RUNX3: variants seen among roughly 807,000 people sequenced by gnomAD.
RUNX3 encodes RUNX family transcription factor 3.
A neutral mutation model predicts 27.7 loss-of-function variants in RUNX3; 10 were observed. The observed-to-expected ratio is 0.36, with a 90% CI of 0.22 to 0.61. The LOEUF (loss-of-function observed/expected upper bound fraction) is 0.61. Among genes scored for constraint, RUNX3 ranks in the 20% least tolerant of loss-of-function variants. The pLI, the probability that RUNX3 is intolerant of heterozygous loss-of-function variation, is 0.72. For missense variants in RUNX3, 469 were observed against 629.5 expected, an observed-to-expected ratio of 0.75 and a Z score of 2.73; for synonymous variants, 270 against 269.2, an observed-to-expected ratio of 1.00 and a Z score of -0.03.
At position 24,927,712 on chromosome 1, in the gene RUNX3, C is replaced by T. The variant is rs1487446167; in HGVS notation, c.301G>A (p.Val101Met). 3 of 1,613,982 alleles carry T rather than the reference C, an allele frequency of 1.9e-6. No homozygotes were observed. Among genetic ancestry groups the T allele is most frequent in the Non-Finnish European group, 2.5e-6 (3 of 1,179,986 alleles). The change falls in exon 2 of 5, where the codon GTG becomes ATG. Residue 101 changes from valine (V) to methionine (M), a missense_variant. Transcript: ENST00000308873. This position sits in a 1 kb window ranked among gnomAD's most constrained non-coding sequence, Gnocchi z 5.0. Reference protein sequence around the residue: ...VAFKVVALGDVPDGTVVTVMA... With the variant: ...VAFKVVALGDMPDGTVVTVMA... ...ACAGTCACCACCGTACCATCCGGCA[C>T]GTCCCCCAATGCCACCACCTGAAGA... is the stretch of plus-strand genomic sequence containing the variant.
At chr1:24,956,069 C>A (rs751698606) in intron 2 of RUNX3, among the ~76,000 whole-genome samples, 1 of 152,254 alleles carries the variant, frequency 6.6e-6, no homozygotes, top group Non-Finnish European at 1.5e-5. Flanking sequence ...TCTGCGCAGC[C>A]CGGGGCAGAC....
chr1:24,939,050 A>G (rs1571337251), intron 2 of RUNX3, among the ~76,000 whole-genome samples: 1 of 152,164 alleles, frequency 6.6e-6, no homozygotes, highest in South Asian at 2.1e-4. Flanking sequence ...GGGCTGTGTC[A>G]GTGTTTCCGT....
At chr1:24,941,181 A>G in intron 2 of RUNX3, among the ~76,000 whole-genome samples, 1 of 152,122 alleles carries the variant, frequency 6.6e-6, no homozygotes, top group East Asian at 1.9e-4. Context: ...ACCCCCACCT[A>G]GGTAAGCACT....
At chr1:24,917,156 C>T (rs866047595) in intron 3 of RUNX3, among the ~76,000 whole-genome samples, 3 of 152,282 alleles carry the variant, frequency 2.0e-5, no homozygotes, top group Middle Eastern at 3.4e-3. Flanking sequence ...GTCAAGACCC[C>T]GTCCCGTGCC....
rs998594401 is a variant in RUNX3 at position 24,904,921 on chromosome 1, C to T, written c.704-2255G>A. 1.3e-5 allele frequency among the ~76,000 whole-genome samples: 2 copies of T among 152,214 alleles called. No individual in the cohort carries two copies. Among genetic ancestry groups the T allele is most frequent in the Non-Finnish European group, 2.9e-5 (2 of 68,034 alleles). On this transcript the variant is annotated intron_variant, in intron 4 of 4. Coordinates refer to ENST00000308873, the MANE Select transcript of RUNX3 (RefSeq NM_004350.3). This position sits in a 1 kb window ranked among gnomAD's most constrained non-coding sequence, Gnocchi z 5.7. ...AGCTGCCCGGGGCACTGTCGAGTGG[C>T]CAATCCCAACAGTGGAAAGAAATGT...
chr1:24,910,022 C>T (rs1272528584), intron 3 of RUNX3, among the ~76,000 whole-genome samples: 2 of 152,310 alleles, frequency 1.3e-5, no homozygotes, highest in East Asian at 1.9e-4. Flanking sequence ...ATGGTGGCTA[C>T]GCCTGTAATC....
chr1:24,922,688 T>C (rs187591111), intron 2 of RUNX3, among the ~76,000 whole-genome samples: 4 of 152,046 alleles, frequency 2.6e-5, no homozygotes, highest in African/African-American at 9.7e-5. Context: ...ATGGTTTCTA[T>C]TGTAATACTT....
intron 3 of RUNX3, among the ~76,000 whole-genome samples, chr1:24,910,497 G>A (rs1640776914): frequency 6.6e-6 from 1 of 152,120 alleles, no homozygotes; most frequent in African/African-American, 2.4e-5. Flanking sequence ...AAAGCCTGTC[G>A]ACCACTGTAG....
chr1:24,964,489 A>G, intron 2 of RUNX3: 1 of 1,590,090 alleles, frequency 6.3e-7, no homozygotes, highest in South Asian at 1.1e-5. Context: ...CTCCCCACCC[A>G]GGGCCCTGGG....
At position 24,904,536 on chromosome 1, in the gene RUNX3, C is replaced by T. The variant is rs1640624345; in HGVS notation, c.704-1870G>A. Among the ~76,000 whole-genome samples the T allele has an allele frequency of 6.6e-6, 1 of 152,154 alleles. No homozygotes were observed. The highest frequency in any genetic ancestry group is 1.5e-5 in the Non-Finnish European group (1 of 68,016). On this transcript the variant is annotated intron_variant, in intron 4 of 4. Transcript: ENST00000308873. The surrounding 1 kb of genome is among the most constrained non-coding windows in gnomAD (Gnocchi z 5.7). Reference sequence around the variant, plus strand: ...GGCTGCCAGTTTTCATCTGGGGAGCCCCTCGGGGGGAGAGGTCCTGTTGCA... The same window carrying T: ...GGCTGCCAGTTTTCATCTGGGGAGCTCCTCGGGGGGAGAGGTCCTGTTGCA...
intron 2 of RUNX3, among the ~76,000 whole-genome samples, chr1:24,936,789 T>C (rs1046520006): frequency 6.6e-6 from 1 of 152,226 alleles, no homozygotes; most frequent in Non-Finnish European, 1.5e-5. Context: ...TTGTGAAGCC[T>C]TAATTAATCT....
At chr1:24,907,999 A>C (rs999826942) in intron 3 of RUNX3, among the ~76,000 whole-genome samples, 1 of 149,378 alleles carries the variant, frequency 6.7e-6, no homozygotes, top group Non-Finnish European at 1.5e-5. Context: ...GCGGTGATCT[A>C]AACCTCTACA....
chr1:24,954,487 AG>A (rs1270848084), intron 2 of RUNX3, among the ~76,000 whole-genome samples: 1 of 152,250 alleles, frequency 6.6e-6, no homozygotes, highest in Non-Finnish European at 1.5e-5. Flanking sequence ...GCAGTTGCAC[AG>A]GGTCCCTTGC....
At chr1:24,940,982 A>G (rs1323635165) in intron 2 of RUNX3, among the ~76,000 whole-genome samples, 2 of 152,248 alleles carry the variant, frequency 1.3e-5, no homozygotes, top group Non-Finnish European at 2.9e-5. Flanking sequence ...GGAAAGCAAA[A>G]GATAAAATAT....
At chr1:24,960,505 C>T (rs554359040) in intron 2 of RUNX3, among the ~76,000 whole-genome samples, 6 of 152,296 alleles carry the variant, frequency 3.9e-5, no homozygotes, top group South Asian at 4.1e-4. Context: ...CAGATGAACG[C>T]GTTTGCCCCC....
chr1:24,946,704 G>A (rs1013063948), intron 2 of RUNX3, among the ~76,000 whole-genome samples: 2 of 152,092 alleles, frequency 1.3e-5, no homozygotes, highest in Non-Finnish European at 2.9e-5. Context: ...GACAGATTCT[G>A]GGACTGGGGT....
upstream of RUNX3, among the ~76,000 whole-genome samples, chr1:24,933,544 C>A (rs1038980610): frequency 3.3e-5 from 5 of 152,240 alleles, no homozygotes; most frequent in Non-Finnish European, 7.3e-5. Flanking sequence ...CCAGTCCATG[C>A]TGTCCTGATC....
intron 2 of RUNX3, among the ~76,000 whole-genome samples, chr1:24,936,432 CAG>C: frequency 6.6e-6 from 1 of 152,274 alleles, no homozygotes; most frequent in East Asian, 1.9e-4. Context: ...ACCAGATGCT[CAG>C]AGTTACAGTC....
rs546744963 is a variant in RUNX3, at chr1:24,916,402, C to T, written c.544+2838G>A. On this transcript the variant is annotated intron_variant, in intron 3 of 4. Coordinates refer to ENST00000308873, the MANE Select transcript of RUNX3 (RefSeq NM_004350.3). This position sits in a 1 kb window ranked among gnomAD's most constrained non-coding sequence, Gnocchi z 4.8. ...CCCTCACTTCCCGCAGCCCCCGGGT[C>T]GGAGCCCCCAGGGTGTGCTGACAGT... Among the ~76,000 whole-genome samples the T allele has an allele frequency of 5.9e-5, 9 of 152,280 alleles. No homozygotes were observed. In the East Asian group the frequency reaches 7.7e-4, roughly 13 times the overall value.
Sources: gnomAD v4.1 joint callset for allele counts (sites outside exome capture counted in the v4.1 genomes callset) on GRCh38, gnomAD v4.1.1 for gene constraint, Gnocchi (gnomAD v3.1) non-coding constraint, MANE v1.5 for transcripts, NCBI Gene and HGNC (gene_info 2026-07-23, HGNC 2026-07-21) for gene names.